Variants in TTC5 observed in about 807,000 individuals in gnomAD.
TTC5 encodes tetratricopeptide repeat protein 5.
Under a neutral mutation model 57.4 loss-of-function variants are expected in TTC5, and 46 were observed. The observed-to-expected ratio is 0.80, with a 90% CI of 0.63 to 1.03. The LOEUF (loss-of-function observed/expected upper bound fraction) is 1.03, where lower values mean the gene tolerates loss of function less well. TTC5 is among the 50% of genes least tolerant of loss of function. The probability of loss-of-function intolerance (pLI) is 0.00; values close to 1 mark genes in which losing one functional copy is unlikely to be tolerated. For missense variants in TTC5, 504 were observed against 528.1 expected (o/e 0.95, Z 0.45); for synonymous variants, 190 against 203.5 (o/e 0.93, Z 0.57).
chr14:20,291,887 CTTACAT>C, intron 9 of TTC5, 90 bp downstream of exon 9: 2 of 1,149,350 alleles, frequency 1.7e-6, no homozygotes, highest in South Asian at 6.1e-5. Flanking sequence ...TACACACATA[CTTACAT>C]ATAATTATTT....
intron 5 of TTC5, 138 bp downstream of exon 5, chr14:20,298,659 T>C: frequency 4.8e-6 from 3 of 625,342 alleles, no homozygotes; most frequent in Non-Finnish European, 8.4e-6. Flanking sequence ...GACACATCTT[T>C]GCAAAATCAC....
Position 20,289,359 on chromosome 14 carries a change from C to T in TTC5, c.*268G>A, listed in dbSNP as rs45622542. 18,337 of 280,820 alleles carry T rather than the reference C, an allele frequency of 0.065. 795 individuals are homozygous for T. Among genetic ancestry groups the T allele is most frequent in the Middle Eastern group, 0.11 (101 of 928 alleles). The allele number at this position is 280,820 out of a possible 1,614,324, so 17.4% of individuals were successfully genotyped here. ...CCATGGCAAGATCCCAAGACTTCTACCAATTCCATGCTCTTTGCTTAAAAC... is the reference window on the plus strand; with the variant it reads ...CCATGGCAAGATCCCAAGACTTCTATCAATTCCATGCTCTTTGCTTAAAAC... On this transcript the variant is annotated 3_prime_UTR_variant, in exon 10 of 10. Transcript: ENST00000258821.
Position 20,289,790 on chromosome 14 carries a change from T to G in TTC5, c.1204-44A>C, listed in dbSNP as rs185668036. On this transcript the variant is annotated intron_variant, in intron 9 of 9. Transcript: ENST00000258821. The stretch of plus-strand genomic sequence containing the variant: ...CAAAGGTTCACTACAGATTCCAAGA[T>G]GGAAAAAGCTCCAGCATGGGGATAC... 9 of 1,566,364 alleles carry G rather than the reference T, an allele frequency of 5.7e-6. No individual in the cohort carries two copies. The East Asian group carries it at 2.0e-4, about 35-fold the overall frequency.
chr14:20,299,222 A>G, intron 4 of TTC5, 76 bp downstream of exon 4: 2 of 1,513,960 alleles, frequency 1.3e-6, no homozygotes, highest in Non-Finnish European at 1.8e-6. Context: ...CACACTCAAA[A>G]GAGGGACTGC....
chr14:20,305,638 T>C (rs1448325163), intron 1 of TTC5: 2 of 568,668 alleles, frequency 3.5e-6, no homozygotes, highest in African/African-American at 1.9e-5. Flanking sequence ...AAAATGTACA[T>C]GAACAGTTAG....
At position 20,288,689 on chromosome 14, in the gene TTC5, CA is replaced by C. The variant is rs1167016954; in HGVS notation, c.*937del. ...TTGGACTCCCAAAGTGGTGGGATTA[CA>C]GGCTGAGCCACCGTGCCAGGCCAAT... On this transcript the variant is annotated 3_prime_UTR_variant, in exon 10 of 10. Transcript: ENST00000258821. 1 of 152,260 alleles carries C rather than the reference CA, an allele frequency of 6.6e-6. No individual in the cohort carries two copies. The allele number at this position is 152,260 out of a possible 1,614,324, so 9.4% of individuals were successfully genotyped here. A position where few individuals can be genotyped will look rare whatever the true frequency, so the allele number is the denominator to read the frequency against.
chr14:20,299,736 A>C (rs1469755022), intron 3 of TTC5, among the ~76,000 whole-genome samples: 1 of 152,066 alleles, frequency 6.6e-6, no homozygotes, highest in African/African-American at 2.4e-5. Flanking sequence ...TATTTTTAGT[A>C]GAGACTGAGT....
intron 1 of TTC5, among the ~76,000 whole-genome samples, chr14:20,303,333 T>C (rs1259302929): frequency 6.6e-6 from 1 of 152,060 alleles, no homozygotes; most frequent in African/African-American, 2.4e-5. Context: ...TTGGGTCCCA[T>C]CCCCAAGTTA....
chr14:20,301,924 G>C lies in TTC5; in HGVS notation c.93C>G (p.Phe31Leu). 1 of 1,614,010 alleles carries C rather than the reference G, an allele frequency of 6.2e-7. No individual in the cohort carries two copies. The highest frequency in any genetic ancestry group is 8.5e-7 in the Non-Finnish European group (1 of 1,179,996). The change falls in exon 2 of 10, where the codon TTC (phenylalanine) becomes TTG (leucine). Residue 31 changes from phenylalanine (F) to leucine (L), a missense_variant. By Grantham distance (22) the Phe-to-Leu change is conservative. Coordinates refer to ENST00000258821, the MANE Select transcript of TTC5 (RefSeq NM_138376.3). ...DQLYSFRDCY[F>L]ETHSVEDAGR... ...CAGCATCCTCAACACTATGTGTCTC[G>C]AAATAGCAGTCTCGAAATGAGTAGA...
In TTC5 at chr14:20,292,152, G is replaced by C. The variant is rs189585359; in HGVS notation, c.1059-25C>G. 4.1e-5 allele frequency: 60 copies of C among 1,468,250 alleles called. 1 individual carries two copies. In the East Asian group the frequency reaches 1.4e-3, roughly 34 times the overall value. The allele number at this position is 1,468,250 out of a possible 1,614,324, so 91.0% of individuals were successfully genotyped here. ...ACTACCAAGTAAAGACAGATTAGGA[G>C]AGAGGAAAACAAAAAGGTATGTGGG... On this transcript the variant is annotated intron_variant, in intron 8 of 9. Transcript: ENST00000258821.
At chr14:20,297,047 T>C (rs889572931) in intron 5 of TTC5, among the ~76,000 whole-genome samples, 3 of 152,156 alleles carry the variant, frequency 2.0e-5, no homozygotes, top group Non-Finnish European at 4.4e-5. Context: ...GGTGAAATCA[T>C]TTTGATTTTT....
rs200830672 is a variant in TTC5, at chr14:20,289,714, C to T, written c.1236G>A (p.Thr412=). 164 of 1,613,638 alleles carry T rather than the reference C, an allele frequency of 1.0e-4. No individual in the cohort carries two copies. The highest frequency in any genetic ancestry group is 1.3e-4 in the Non-Finnish European group (153 of 1,179,766). The part of the protein sequence containing the change: ...DYSFSSVRVE[T]PLLLVVNGKP... ...TCCCATTCACCACTAGCAGGAGGGG[C>T]GTCTCCACTCGAACACTGGAAAAGG... The change falls in exon 10 of 10, where the codon ACG becomes ACA. Residue 412 remains threonine, a synonymous_variant. Transcript: ENST00000258821.
intron 5 of TTC5, among the ~76,000 whole-genome samples, chr14:20,297,716 T>C (rs1882095304): frequency 6.6e-6 from 1 of 151,160 alleles, no homozygotes; most frequent in Admixed American, 6.6e-5. Flanking sequence ...GAGGTTGCAG[T>C]GAGCCGAGAT....
At position 20,295,486 on chromosome 14, in the gene TTC5, C is replaced by A; in HGVS notation, c.884G>T (p.Ser295Ile). The change falls in exon 8 of 10, where the codon AGC becomes ATC. Residue 295 changes from serine to isoleucine, a missense_variant. Ser to Ile is a moderately radical substitution (Grantham distance 142). Coordinates refer to ENST00000258821, the MANE Select transcript of TTC5 (RefSeq NM_138376.3). ...KTKKLQSMLG[S>I]LRPAHLGPCS... ...AGGGCCTAGATGGGCTGGGCGCAAG[C>A]TTCCCAGCATGCTCTGCAGCTTTTT... 1.2e-6 allele frequency: 2 copies of A among 1,613,822 alleles called. No homozygotes were observed. The highest frequency in any genetic ancestry group is 1.1e-5 in the South Asian group (1 of 91,072).
rs1881870963 is a variant in TTC5 at position 20,287,905 on chromosome 14, T to C, written c.*1722A>G. ...TAGGCCTCAAAATGACACCCAAAAC[T>C]AATTTAAGACTCCATATGTGGTATA... is the stretch of plus-strand genomic sequence containing the variant. On this transcript the variant is annotated 3_prime_UTR_variant, in exon 10 of 10. Transcript: ENST00000258821. 1 of 152,208 alleles carries C rather than the reference T, an allele frequency of 6.6e-6. No homozygotes were observed. Among genetic ancestry groups the C allele is most frequent in the Non-Finnish European group, 1.5e-5 (1 of 68,048 alleles). The allele number at this position is 152,208 out of a possible 1,614,324, so 9.4% of individuals were successfully genotyped here. A position where few individuals can be genotyped will look rare whatever the true frequency, so the allele number is the denominator to read the frequency against.
intron 5 of TTC5, among the ~76,000 whole-genome samples, chr14:20,298,190 AG>A (rs1262638707): frequency 6.6e-6 from 1 of 152,228 alleles, no homozygotes; most frequent in Non-Finnish European, 1.5e-5. Flanking sequence ...TCTAATAATG[AG>A]AAAAAAGGCA....
intron 8 of TTC5, chr14:20,295,002 A>T (rs72671248): frequency 0.12 from 34,304 of 294,514 alleles, 2,250 homozygotes; most frequent in East Asian, 0.16. Flanking sequence ...ATGCAAAGGG[A>T]CAGAAGAATT....
Position 20,300,623 on chromosome 14 carries a change from G to A in TTC5, c.380C>T (p.Ser127Leu), listed in dbSNP as rs960799097. Residue 127 changes from serine to leucine, a missense_variant, in exon 3 of 10, where the codon TCA (serine) becomes TTA (leucine). Coordinates refer to ENST00000258821, the MANE Select transcript of TTC5 (RefSeq NM_138376.3). ...GCAGCTCACATGGGTGAGGGCTCCTGAGAAGCAGGTGTGGGCAGCTGCAAC... is the reference window on the plus strand; with the variant it reads ...GCAGCTCACATGGGTGAGGGCTCCTAAGAAGCAGGTGTGGGCAGCTGCAAC... ...GDVAAAHTCF[S>L]GALTHCRNKV... 25 of 1,612,468 alleles carry A rather than the reference G, an allele frequency of 1.6e-5. No individual in the cohort carries two copies. Among genetic ancestry groups the A allele is most frequent in the South Asian group, 2.2e-5 (2 of 91,032 alleles).
intron 2 of TTC5, among the ~76,000 whole-genome samples, chr14:20,301,379 AG>A (rs776527474): frequency 2.0e-5 from 3 of 152,234 alleles, no homozygotes; most frequent in Non-Finnish European, 4.4e-5. Flanking sequence ...GTCAGAGATA[AG>A]GTTAGAAAAC....
Sources: gnomAD v4.1 joint callset for allele counts (sites outside exome capture counted in the v4.1 genomes callset) on GRCh38, gnomAD v4.1.1 for gene constraint, MANE v1.5 for transcripts, NCBI Gene and HGNC (gene_info 2026-07-23, HGNC 2026-07-21) for gene names.